NR6A1: variants seen among roughly 807,000 people sequenced by gnomAD.
The protein encoded by NR6A1 is nuclear receptor subfamily 6 group A member 1.
NR6A1 carries 7 observed loss-of-function variants against 59.1 expected under a neutral mutation model. That is an observed-to-expected ratio of 0.12 (90% CI 0.07 to 0.22). NR6A1 has a LOEUF of 0.22. Among genes scored for constraint, NR6A1 ranks in the 10% least tolerant of loss-of-function variants. The probability of loss-of-function intolerance (pLI) is 1.00; values close to 1 mark genes in which losing one functional copy is unlikely to be tolerated. For synonymous variants in NR6A1, 243 were observed against 236.1 expected, an observed-to-expected ratio of 1.03 and a Z score of -0.27; for missense variants, 468 against 611.6, an observed-to-expected ratio of 0.77 and a Z score of 2.48.
intron 2 of NR6A1, among the ~76,000 whole-genome samples, chr9:124,657,422 A>G (rs1837292061): frequency 6.6e-6 from 1 of 152,242 alleles, no homozygotes; most frequent in Non-Finnish European, 1.5e-5. Context: ...AAGAGACAAG[A>G]AAGTCCACGG....
At chr9:124,639,103 TAAAC>T (rs1836701387) in intron 2 of NR6A1, among the ~76,000 whole-genome samples, 2 of 152,166 alleles carry the variant, frequency 1.3e-5, no homozygotes, top group African/African-American at 4.8e-5. Context: ...ATTTAATCCT[TAAAC>T]AAACTCTATG....
chr9:124,769,162 G>C (rs568174374), intron 1 of NR6A1, among the ~76,000 whole-genome samples: 2 of 151,054 alleles, frequency 1.3e-5, no homozygotes, highest in African/African-American at 4.9e-5. Flanking sequence ...GAATTTTATT[G>C]ATCTCAAACA....
chr9:124,651,053 G>A (rs553762807), intron 2 of NR6A1, among the ~76,000 whole-genome samples: 9 of 152,132 alleles, frequency 5.9e-5, no homozygotes, highest in African/African-American at 2.2e-4. Context: ...TGGGTTACTA[G>A]CTCTTTTTGT....
intron 2 of NR6A1, among the ~76,000 whole-genome samples, chr9:124,638,253 C>G (rs12338702): frequency 0.018 from 2,704 of 149,718 alleles, 81 homozygotes; most frequent in African/African-American, 0.063. Flanking sequence ...ACATCTGTCT[C>G]TTTGGTGTTT....
intron 9 of NR6A1, among the ~76,000 whole-genome samples, chr9:124,524,022 A>C (rs1832862835): frequency 6.6e-6 from 1 of 152,254 alleles, no homozygotes. Flanking sequence ...CAGAAAGCTC[A>C]GAAGGGGTCA....
chr9:124,591,555 T>C (rs1440352624), intron 2 of NR6A1, among the ~76,000 whole-genome samples: 1 of 152,190 alleles, frequency 6.6e-6, no homozygotes, highest in East Asian at 1.9e-4. Flanking sequence ...GTTTTTGTTT[T>C]TTTGTTTTAA....
intron 2 of NR6A1, among the ~76,000 whole-genome samples, chr9:124,682,000 T>C (rs1461887155): frequency 1.3e-5 from 2 of 151,710 alleles, no homozygotes. Flanking sequence ...GTTTTGTTTT[T>C]TGTTTTGTTT....
chr9:124,541,694 G>T (rs1833453195), intron 4 of NR6A1, among the ~76,000 whole-genome samples: 1 of 152,158 alleles, frequency 6.6e-6, no homozygotes, highest in South Asian at 2.1e-4. Context: ...TAATCCAAAA[G>T]AACTGAAATC....
intron 3 of NR6A1, among the ~76,000 whole-genome samples, chr9:124,546,253 C>A (rs1301695878): frequency 2.0e-5 from 3 of 152,160 alleles, no homozygotes; most frequent in Non-Finnish European, 4.4e-5. Context: ...TCCCATTGAA[C>A]AGATGGATCT....
intron 5 of NR6A1, among the ~76,000 whole-genome samples, chr9:124,539,813 A>G (rs1172645151): frequency 6.6e-6 from 1 of 152,250 alleles, no homozygotes; most frequent in African/African-American, 2.4e-5. Flanking sequence ...GCACTTTATC[A>G]GTCTGCAGAA....
chr9:124,615,034 A>G (rs1835849263), intron 2 of NR6A1, among the ~76,000 whole-genome samples: 3 of 152,190 alleles, frequency 2.0e-5, no homozygotes, highest in Admixed American at 1.3e-4. Flanking sequence ...CACAAATAAG[A>G]TAGTTGGATT....
At chr9:124,737,383 T>A (rs141640364) in intron 1 of NR6A1, among the ~76,000 whole-genome samples, 6 of 152,288 alleles carry the variant, frequency 3.9e-5, no homozygotes, top group African/African-American at 1.4e-4. Context: ...CACAAGGCAA[T>A]GAAATGGCCA....
At chr9:124,678,926 A>T (rs1204165496) in intron 2 of NR6A1, among the ~76,000 whole-genome samples, 3 of 152,172 alleles carry the variant, frequency 2.0e-5, no homozygotes, top group African/African-American at 7.2e-5. Context: ...CATTCTAGGA[A>T]GAAAAGCAGC....
chr9:124,744,184 G>A (rs1040078905), intron 1 of NR6A1, among the ~76,000 whole-genome samples: 1 of 152,148 alleles, frequency 6.6e-6, no homozygotes, highest in Non-Finnish European at 1.5e-5. Flanking sequence ...AGGCCGCAGT[G>A]AGCCAGGATC....
At chr9:124,573,600 C>T (rs752285880) in intron 2 of NR6A1, among the ~76,000 whole-genome samples, 9 of 152,216 alleles carry the variant, frequency 5.9e-5, no homozygotes, top group Non-Finnish European at 1.2e-4. Flanking sequence ...TAGGGCATGT[C>T]TTTCTGACAC....
At chr9:124,552,512 A>C (rs995168274) in intron 3 of NR6A1, among the ~76,000 whole-genome samples, 1 of 152,336 alleles carries the variant, frequency 6.6e-6, no homozygotes, top group East Asian at 1.9e-4. Flanking sequence ...TCCAGTAAAC[A>C]CAGGGCATTC....
intron 2 of NR6A1, among the ~76,000 whole-genome samples, chr9:124,730,555 C>T (rs886399816): frequency 2.5e-4 from 31 of 123,098 alleles, no homozygotes; most frequent in South Asian, 7.8e-4. Flanking sequence ...ATTTTTTAGT[C>T]TTTTTTTTTT....
chr9:124,587,938 A>C (rs1221501415), intron 2 of NR6A1, among the ~76,000 whole-genome samples: 1 of 152,204 alleles, frequency 6.6e-6, no homozygotes, highest in Non-Finnish European at 1.5e-5. Flanking sequence ...CAAGATCATA[A>C]TTCAATGCAG....
In NR6A1 at chr9:124,611,926, A is replaced by G. The variant is rs182264025; in HGVS notation, c.143-57356T>C. Among the ~76,000 whole-genome samples, 5 of 152,288 alleles carry G rather than the reference A, an allele frequency of 3.3e-5. No homozygotes were observed. In the East Asian group the frequency reaches 9.7e-4, roughly 29 times the overall value. On this transcript the variant is annotated intron_variant, in intron 2 of 9. Coordinates refer to ENST00000487099, the MANE Select transcript of NR6A1 (RefSeq NM_033334.4). ...AGAGCTCAAGCCAGCAAGCCAGTGT[A>G]AGGGATAATGATATCTATCTTAGAA...
Sources: gnomAD v4.1 joint callset for allele counts (sites outside exome capture counted in the v4.1 genomes callset) on GRCh38, gnomAD v4.1.1 for gene constraint, MANE v1.5 for transcripts, NCBI Gene and HGNC (gene_info 2026-07-23, HGNC 2026-07-21) for gene names.